Variants in ZFPM2 observed in about 807,000 individuals in gnomAD.
The protein encoded by ZFPM2 is zinc finger protein ZFPM2.
ZFPM2 carries 20 observed loss-of-function variants against 98.6 expected under a neutral mutation model. The observed-to-expected ratio is 0.20, with a 90% CI of 0.14 to 0.29. The LOEUF is 0.29. ZFPM2 is among the 10% of genes least tolerant of loss of function. The pLI, the probability that ZFPM2 is intolerant of heterozygous loss-of-function variation, is 1.00. For missense variants in ZFPM2, 1,310 were observed against 1,388.6 expected, an observed-to-expected ratio of 0.94 and a Z score of 0.90; for synonymous variants, 518 against 502.7, an observed-to-expected ratio of 1.03 and a Z score of -0.41.
In ZFPM2 at chr8:105,802,897, C is replaced by T. The variant is rs1266817609; in HGVS notation, c.2815C>T (p.Leu939=). The T allele has an allele frequency of 1.9e-6, 3 of 1,613,656 alleles. No homozygotes were observed. The highest frequency in any genetic ancestry group is 2.7e-5 in the African/African-American group (2 of 74,932). The change falls in exon 8 of 8, where the codon CTG becomes TTG. Residue 939 remains leucine (L), a synonymous_variant. Coordinates refer to ENST00000407775, the MANE Select transcript of ZFPM2 (RefSeq NM_012082.4). ...CTTATTTTCATCCCACCTAGCAACC[C>T]TGCAAGGCTTGAAGGTCTTTAGTGA... ...GNLFSSHLAT[L]QGLKVFSEAA... is the part of the protein sequence containing the mutation.
intron 1 of ZFPM2, among the ~76,000 whole-genome samples, chr8:105,396,823 G>A (rs919493397): frequency 1.1e-4 from 17 of 152,220 alleles, no homozygotes; most frequent in African/African-American, 4.1e-4. Flanking sequence ...TGTTCCAGTG[G>A]CTGTAAGAGC....
At chr8:105,669,915 C>T (rs1817557334) in intron 5 of ZFPM2, 1 of 152,042 alleles carries the variant, frequency 6.6e-6, no homozygotes, top group African/African-American at 2.4e-5. Flanking sequence ...TTTCCAATTG[C>T]CTGAGTTCTT....
At chr8:105,711,394 T>G (rs143974461) in intron 5 of ZFPM2, among the ~76,000 whole-genome samples, 58 of 152,234 alleles carry the variant, frequency 3.8e-4, no homozygotes, top group African/African-American at 1.2e-3. Flanking sequence ...ATTTCTGCCT[T>G]AAATACTTCT....
intron 1 of ZFPM2, among the ~76,000 whole-genome samples, chr8:105,389,871 G>C (rs1262826126): frequency 2.6e-5 from 4 of 152,190 alleles, no homozygotes; most frequent in Admixed American, 1.3e-4. Flanking sequence ...TAGACCTCTA[G>C]ATAAGGAGAA....
At chr8:105,735,912 C>A (rs1353692357) in intron 5 of ZFPM2, among the ~76,000 whole-genome samples, 1 of 151,986 alleles carries the variant, frequency 6.6e-6, no homozygotes, top group Non-Finnish European at 1.5e-5. Context: ...GGAAAGCAAG[C>A]TAGCACCTCT....
intron 3 of ZFPM2, among the ~76,000 whole-genome samples, chr8:105,454,006 A>C (rs1203901285): frequency 6.6e-6 from 1 of 152,204 alleles, no homozygotes; most frequent in Non-Finnish European, 1.5e-5. Context: ...ATAACACATA[A>C]AAATATTCTT....
chr8:105,380,601 TTATA>T (rs71926432), intron 1 of ZFPM2, among the ~76,000 whole-genome samples: 1 of 39,520 alleles, frequency 2.5e-5, no homozygotes, highest in Admixed American at 5.0e-4. Context: ...TATATATATA[TTATA>T]TATATATATA....
intron 3 of ZFPM2, among the ~76,000 whole-genome samples, chr8:105,539,785 G>T (rs1214637064): frequency 6.6e-6 from 1 of 152,154 alleles, no homozygotes; most frequent in African/African-American, 2.4e-5. Context: ...GAAGACTTCT[G>T]TCGTTTCACA....
At position 105,732,853 on chromosome 8, in the gene ZFPM2, T is replaced by C. The variant is rs547578681; in HGVS notation, c.533-55865T>C. Among the ~76,000 whole-genome samples, 247 of 151,964 alleles carry C rather than the reference T, an allele frequency of 1.6e-3. 1 individual carries two copies. The highest frequency in any genetic ancestry group is 5.4e-3 in the African/African-American group (223 of 41,532). ...CATCCTAGGAGAGGGAAATTAACTT[T>C]CAGCTTGCACGTTCATTATCTTTGA... On this transcript the variant is annotated intron_variant, in intron 5 of 7. Coordinates refer to ENST00000407775, the MANE Select transcript of ZFPM2 (RefSeq NM_012082.4).
At chr8:105,645,923 C>T (rs1171693819) in intron 5 of ZFPM2, among the ~76,000 whole-genome samples, 1 of 151,658 alleles carries the variant, frequency 6.6e-6, no homozygotes, top group African/African-American at 2.4e-5. Flanking sequence ...CATGGTGGCA[C>T]ACACCTGTAG....
chr8:105,726,429 A>G (rs753112003), intron 5 of ZFPM2, among the ~76,000 whole-genome samples: 1 of 151,828 alleles, frequency 6.6e-6, no homozygotes, highest in Non-Finnish European at 1.5e-5. Flanking sequence ...TATTTGTACA[A>G]TGTAAATAAA....
chr8:105,647,648 A>G (rs186916093), intron 5 of ZFPM2, among the ~76,000 whole-genome samples: 3 of 151,714 alleles, frequency 2.0e-5, no homozygotes, highest in Admixed American at 2.0e-4. Flanking sequence ...TGTCTTTGCG[A>G]TAGTTTGCTG....
At chr8:105,510,396 A>G (rs1017146476) in intron 3 of ZFPM2, among the ~76,000 whole-genome samples, 5 of 91,760 alleles carry the variant, frequency 5.4e-5, no homozygotes, top group African/African-American at 2.3e-4. Context: ...GGGTCTGTGC[A>G]TGTTTTTTTT....
At chr8:105,527,472 C>T (rs1471962986) in intron 3 of ZFPM2, among the ~76,000 whole-genome samples, 4 of 152,152 alleles carry the variant, frequency 2.6e-5, no homozygotes, top group Admixed American at 6.6e-5. Context: ...GAGAAAAGAG[C>T]AGATTTGAAA....
intron 3 of ZFPM2, among the ~76,000 whole-genome samples, chr8:105,446,221 T>C (rs1245715689): frequency 6.6e-6 from 1 of 152,138 alleles, no homozygotes; most frequent in African/African-American, 2.4e-5. Flanking sequence ...TGCCCGGCGA[T>C]AGTTCCTTAT....
At chr8:105,513,584 A>G (rs1484349512) in intron 3 of ZFPM2, among the ~76,000 whole-genome samples, 1 of 152,236 alleles carries the variant, frequency 6.6e-6, no homozygotes. Context: ...TCTACTCCAG[A>G]CAGAATCCCT....
intron 3 of ZFPM2, among the ~76,000 whole-genome samples, chr8:105,513,945 A>G (rs1389799596): frequency 6.6e-6 from 1 of 151,964 alleles, no homozygotes; most frequent in Admixed American, 6.6e-5. Context: ...GAGCTGGTTG[A>G]AAACGTGGAT....
At chr8:105,648,467 A>G (rs1335645755) in intron 5 of ZFPM2, among the ~76,000 whole-genome samples, 1 of 152,104 alleles carries the variant, frequency 6.6e-6, no homozygotes, top group African/African-American at 2.4e-5. Context: ...CTATGTCCTG[A>G]ATGGTATTGC....
At chr8:105,512,376 G>A (rs1813835127) in intron 3 of ZFPM2, among the ~76,000 whole-genome samples, 2 of 152,270 alleles carry the variant, frequency 1.3e-5, no homozygotes, top group East Asian at 1.9e-4. Flanking sequence ...ATGATAATGA[G>A]TACCCCCAAC....
Sources: allele counts gnomAD v4.1 joint callset (sites outside exome capture counted in the v4.1 genomes callset), GRCh38; gene constraint gnomAD v4.1.1; transcripts MANE v1.5; gene names NCBI Gene and HGNC (gene_info 2026-07-23, HGNC 2026-07-21).